Variants in LUZP2 observed in about 807,000 individuals in gnomAD.
The protein encoded by LUZP2 is leucine zipper protein 2.
A neutral mutation model predicts 51.6 loss-of-function variants in LUZP2; 52 were observed. That is an observed-to-expected ratio of 1.01 (90% confidence interval 0.81 to 1.27). The LOEUF (loss-of-function observed/expected upper bound fraction) is 1.27. Among genes scored for constraint, LUZP2 ranks in the 50% most tolerant of loss-of-function variants. The pLI, the probability that LUZP2 is intolerant of heterozygous loss-of-function variation, is 0.00. For synonymous variants in LUZP2, 154 were observed against 137.3 expected (o/e 1.12, Z -0.85); for missense variants, 436 against 395.4 (o/e 1.10, Z -0.87).
intron 1 of LUZP2, among the ~76,000 whole-genome samples, chr11:24,629,564 A>ATG (rs1565040204): frequency 6.8e-6 from 1 of 147,532 alleles, no homozygotes. Flanking sequence ...ATATATATAT[A>ATG]TATACCATAT....
chr11:24,798,481 G>A (rs139953785), intron 5 of LUZP2, among the ~76,000 whole-genome samples: 1 of 152,294 alleles, frequency 6.6e-6, no homozygotes, highest in East Asian at 1.9e-4. Flanking sequence ...ACAGGCGTGA[G>A]CCACTGCAAT....
chr11:24,971,678 T>C (rs969805974), intron 7 of LUZP2, among the ~76,000 whole-genome samples: 1 of 152,202 alleles, frequency 6.6e-6, no homozygotes, highest in African/African-American at 2.4e-5. Context: ...GGCTACTCTG[T>C]ATGATTTAAT....
At chr11:24,631,276 A>T (rs1367738888) in intron 1 of LUZP2, among the ~76,000 whole-genome samples, 4 of 151,810 alleles carry the variant, frequency 2.6e-5, no homozygotes, top group African/African-American at 9.7e-5. Context: ...TAGATCTTAG[A>T]AGTGTTTTCA....
At chr11:24,520,532 G>A (rs951018346) in intron 1 of LUZP2, among the ~76,000 whole-genome samples, 11 of 152,298 alleles carry the variant, frequency 7.2e-5, no homozygotes, top group Non-Finnish European at 1.5e-4. Context: ...ATTTCAATAA[G>A]TTGCTGGATT....
intron 7 of LUZP2, among the ~76,000 whole-genome samples, chr11:24,969,618 A>G (rs954970845): frequency 1.3e-5 from 2 of 152,190 alleles, no homozygotes. Flanking sequence ...GACAGCTTTT[A>G]TTCCAGAAAA....
At chr11:24,589,584 C>T (rs12361953) in intron 1 of LUZP2, among the ~76,000 whole-genome samples, 1 of 152,012 alleles carries the variant, frequency 6.6e-6, no homozygotes, top group Non-Finnish European at 1.5e-5. Context: ...AGAATACACT[C>T]GAAGGAATTG....
At chr11:25,025,224 T>A (rs36143364) in intron 9 of LUZP2, among the ~76,000 whole-genome samples, 87,910 of 151,642 alleles carry the variant, frequency 0.58, 26,607 homozygotes, top group African/African-American at 0.76. Context: ...ACCATTCAGG[T>A]CATAGGCATA....
chr11:25,074,885 A>G (rs997867839), intron 10 of LUZP2, among the ~76,000 whole-genome samples: 3 of 152,146 alleles, frequency 2.0e-5, no homozygotes, highest in African/African-American at 7.2e-5. Context: ...GAGAAGAACT[A>G]CAATAAATAC....
chr11:24,687,960 G>T (rs4923204), intron 1 of LUZP2, among the ~76,000 whole-genome samples: 27,760 of 151,830 alleles, frequency 0.18, 2,627 homozygotes, highest in East Asian at 0.32. Context: ...GACAAGTTTC[G>T]GCTTGGAGCC....
intron 1 of LUZP2, among the ~76,000 whole-genome samples, chr11:24,551,247 T>A (rs565440701): frequency 9.9e-5 from 15 of 152,168 alleles, no homozygotes; most frequent in African/African-American, 2.9e-4. Flanking sequence ...TACAAAATAT[T>A]ATTTGTTAAT....
At chr11:24,940,888 T>A (rs927997076) in intron 7 of LUZP2, among the ~76,000 whole-genome samples, 8 of 152,216 alleles carry the variant, frequency 5.3e-5, no homozygotes, top group African/African-American at 1.7e-4. Context: ...TATGTGAATC[T>A]ACAAACTAAT....
At chr11:24,901,870 C>T (rs1458227216) in intron 5 of LUZP2, among the ~76,000 whole-genome samples, 3 of 152,146 alleles carry the variant, frequency 2.0e-5, no homozygotes, top group Non-Finnish European at 4.4e-5. Context: ...CCATCTCTCT[C>T]CCTTATTTCA....
Position 24,732,141 on chromosome 11 carries a change from T to C in LUZP2, c.204T>C (p.Ser68=), listed in dbSNP as rs768954456. 1 of 1,609,496 alleles carries C rather than the reference T, an allele frequency of 6.2e-7. No individual in the cohort carries two copies. The highest frequency in any genetic ancestry group is 8.5e-7 in the Non-Finnish European group (1 of 1,177,208). ...AGTCCTTAAAAAACGATGAGCAGTCTGCCAAAACTGATGTTCAGAAACTTC... is the reference window on the plus strand; with the variant it reads ...AGTCCTTAAAAAACGATGAGCAGTCCGCCAAAACTGATGTTCAGAAACTTC... ...NLQSLKNDEQ[S]AKTDVQKLLE... Residue 68 remains serine (S), a synonymous_variant, in exon 3 of 12, where the codon TCT becomes TCC. Transcript: ENST00000336930.
intron 6 of LUZP2, among the ~76,000 whole-genome samples, chr11:24,911,063 A>C (rs936058062): frequency 6.6e-6 from 1 of 152,106 alleles, no homozygotes; most frequent in South Asian, 2.1e-4. Flanking sequence ...TGACTGCGCT[A>C]TTGGCTTTCA....
intron 1 of LUZP2, among the ~76,000 whole-genome samples, chr11:24,723,663 CA>C: frequency 6.6e-6 from 1 of 151,884 alleles, no homozygotes. Context: ...CCCATCTCTA[CA>C]AAAAATTAAA....
intron 5 of LUZP2, chr11:24,786,777 A>C (rs575399944): frequency 2.8e-5 from 4 of 143,036 alleles, no homozygotes; most frequent in African/African-American, 1.0e-4. Flanking sequence ...TTTAATGATT[A>C]GAAAGACTAT....
intron 1 of LUZP2, among the ~76,000 whole-genome samples, chr11:24,706,224 A>C (rs931664111): frequency 1.3e-5 from 2 of 152,136 alleles, no homozygotes; most frequent in Non-Finnish European, 2.9e-5. Flanking sequence ...ATTTTTTCTC[A>C]TATATTGGCT....
At chr11:24,754,305 C>T (rs539637612) in intron 4 of LUZP2, among the ~76,000 whole-genome samples, 6 of 149,212 alleles carry the variant, frequency 4.0e-5, no homozygotes, top group Non-Finnish European at 8.9e-5. Flanking sequence ...CCAGTGTTTT[C>T]TTTATTCATC....
chr11:24,763,065 A>T, intron 4 of LUZP2, 181 bp from the exon 5 acceptor site: 1 of 457,380 alleles, frequency 2.2e-6, no homozygotes, highest in Non-Finnish European at 2.9e-6. Flanking sequence ...TTTTAATATA[A>T]TCAATGAATA....
Sources: gnomAD v4.1 joint callset for allele counts (sites outside exome capture counted in the v4.1 genomes callset) on GRCh38, gnomAD v4.1.1 for gene constraint, MANE v1.5 for transcripts, NCBI Gene and HGNC (gene_info 2026-07-23, HGNC 2026-07-21) for gene names.